The following ZNF804B variants were observed in gnomAD, a reference collection of about 807,000 sequenced individuals.
The protein encoded by ZNF804B is zinc finger 804B.
In ZNF804B, 80 loss-of-function variants were observed where a neutral mutation model predicts 101.4. That is an observed-to-expected ratio of 0.79 (90% CI 0.66 to 0.95). ZNF804B has a LOEUF of 0.95. Among genes scored for constraint, ZNF804B ranks in the 40% least tolerant of loss-of-function variants. The probability of loss-of-function intolerance (pLI) is 0.00; values close to 1 mark genes in which losing one functional copy is unlikely to be tolerated. For missense variants in ZNF804B, 1,673 were observed against 1,561.9 expected (o/e 1.07, Z -1.20); for synonymous variants, 622 against 558.8 (o/e 1.11, Z -1.59).
intron 2 of ZNF804B, among the ~76,000 whole-genome samples, chr7:89,251,212 G>T (rs975991047): frequency 1.3e-5 from 2 of 152,014 alleles, no homozygotes; most frequent in South Asian, 4.1e-4. Context: ...CTACAAAAAG[G>T]TTCTTGGAAC....
chr7:89,021,557 G>A (rs1788668490), intron 1 of ZNF804B, among the ~76,000 whole-genome samples: 1 of 152,150 alleles, frequency 6.6e-6, no homozygotes, highest in Non-Finnish European at 1.5e-5. Context: ...CACACTCTGG[G>A]CACAGGTACA....
At chr7:89,043,532 C>A (rs539351334) in intron 1 of ZNF804B, among the ~76,000 whole-genome samples, 1 of 152,140 alleles carries the variant, frequency 6.6e-6, no homozygotes, top group African/African-American at 2.4e-5. Flanking sequence ...GGAATAATGT[C>A]ATTGAGAAAC....
chr7:89,043,987 C>T (rs1165621445), intron 1 of ZNF804B, among the ~76,000 whole-genome samples: 2 of 152,024 alleles, frequency 1.3e-5, no homozygotes, highest in Non-Finnish European at 2.9e-5. Context: ...TACTATTCAC[C>T]CATAGAAAAT....
intron 1 of ZNF804B, among the ~76,000 whole-genome samples, chr7:89,205,927 C>G (rs189441057): frequency 3.9e-5 from 6 of 152,344 alleles, no homozygotes; most frequent in Admixed American, 1.3e-4. Flanking sequence ...CTGCAGCAAA[C>G]TTCTACCTGG....
intron 1 of ZNF804B, among the ~76,000 whole-genome samples, chr7:88,872,654 G>A (rs1016193993): frequency 5.4e-5 from 8 of 148,940 alleles, no homozygotes; most frequent in African/African-American, 1.7e-4. Context: ...AGAGTGTGAT[G>A]TTCCCCTTCC....
At chr7:89,291,099 A>G (rs560929098) in intron 2 of ZNF804B, among the ~76,000 whole-genome samples, 27 of 152,318 alleles carry the variant, frequency 1.8e-4, no homozygotes, top group African/African-American at 6.3e-4. Context: ...CCTAATACAG[A>G]TACAGCTTAG....
intron 1 of ZNF804B, among the ~76,000 whole-genome samples, chr7:88,938,871 C>T (rs543435053): frequency 6.7e-4 from 102 of 151,936 alleles, no homozygotes; most frequent in African/African-American, 2.3e-3. Context: ...GAAAAACCAC[C>T]GGAATTATTT....
chr7:88,909,772 T>A (rs1009998359), intron 1 of ZNF804B, among the ~76,000 whole-genome samples: 2 of 151,654 alleles, frequency 1.3e-5, no homozygotes, highest in East Asian at 3.9e-4. Context: ...TTTTTTTTTT[T>A]AACTTACTTC....
chr7:89,225,425 A>T (rs1789074493), intron 2 of ZNF804B, among the ~76,000 whole-genome samples: 1 of 151,868 alleles, frequency 6.6e-6, no homozygotes, highest in Admixed American at 6.6e-5. Flanking sequence ...CTCATACTCC[A>T]CTCCCAGCTA....
chr7:88,878,647 A>T (rs909254757), intron 1 of ZNF804B, among the ~76,000 whole-genome samples: 4 of 152,160 alleles, frequency 2.6e-5, no homozygotes, highest in Non-Finnish European at 5.9e-5. Context: ...TGAAAACAAA[A>T]TTGTACTTGA....
chr7:89,262,962 G>A (rs1376863331), intron 2 of ZNF804B, among the ~76,000 whole-genome samples: 1 of 141,934 alleles, frequency 7.0e-6, no homozygotes. Context: ...CTGCTTTCTT[G>A]TGCACTTTGT....
chr7:89,115,173 G>A (rs940352130), intron 1 of ZNF804B, among the ~76,000 whole-genome samples: 2 of 152,116 alleles, frequency 1.3e-5, no homozygotes, highest in Non-Finnish European at 2.9e-5. Flanking sequence ...TCTCCACCTG[G>A]AGCATTGTTT....
At chr7:89,332,345 T>A (rs957056030) in intron 3 of ZNF804B, among the ~76,000 whole-genome samples, 1 of 151,822 alleles carries the variant, frequency 6.6e-6, no homozygotes, top group African/African-American at 2.4e-5. Context: ...ATGGAAGAGA[T>A]ACCAGTTGGC....
At chr7:89,035,651 A>G (rs1328616214) in intron 1 of ZNF804B, among the ~76,000 whole-genome samples, 2 of 151,808 alleles carry the variant, frequency 1.3e-5, no homozygotes, top group Non-Finnish European at 2.9e-5. Flanking sequence ...TCAATTAACA[A>G]TCAATTAGAA....
At chr7:89,292,874 A>T (rs1790319589) in intron 2 of ZNF804B, among the ~76,000 whole-genome samples, 1 of 152,018 alleles carries the variant, frequency 6.6e-6, no homozygotes, top group Admixed American at 6.6e-5. Flanking sequence ...AGCATCAAAA[A>T]ACCTAAAAAC....
chr7:89,176,435 G>T (rs1791318920), intron 1 of ZNF804B, among the ~76,000 whole-genome samples: 1 of 151,894 alleles, frequency 6.6e-6, no homozygotes, highest in Admixed American at 6.6e-5. Flanking sequence ...TGCGTGATTG[G>T]AATAAATCTC....
intron 1 of ZNF804B, among the ~76,000 whole-genome samples, chr7:88,793,070 A>G (rs1208277143): frequency 1.3e-5 from 2 of 152,074 alleles, no homozygotes; most frequent in South Asian, 4.1e-4. Flanking sequence ...AAAAAATAAA[A>G]CTATAATGAT....
chr7:89,081,015 A>G (rs138057988), intron 1 of ZNF804B, among the ~76,000 whole-genome samples: 2 of 152,032 alleles, frequency 1.3e-5, no homozygotes, highest in Non-Finnish European at 2.9e-5. Flanking sequence ...ACAATTTGAT[A>G]AGGAGAATCT....
intron 1 of ZNF804B, among the ~76,000 whole-genome samples, chr7:89,123,247 C>T (rs939185336): frequency 2.6e-5 from 4 of 151,510 alleles, no homozygotes; most frequent in African/African-American, 7.3e-5. Context: ...TTTTGAATAA[C>T]CTAGTTGTGA....
Sources: allele counts gnomAD v4.1 joint callset (sites outside exome capture counted in the v4.1 genomes callset), GRCh38; gene constraint gnomAD v4.1.1; transcripts MANE v1.5; gene names NCBI Gene and HGNC (gene_info 2026-07-23, HGNC 2026-07-21).